RGPD4: variants seen among roughly 807,000 people sequenced by gnomAD.
The protein encoded by RGPD4 is ranBP2-like and GRIP domain-containing protein 4.
In RGPD4, 84 loss-of-function variants were observed where a neutral mutation model predicts 141.1. The observed-to-expected ratio is 0.60, with a 90% CI of 0.50 to 0.71. RGPD4 has a LOEUF of 0.71. RGPD4 is among the 30% of genes least tolerant of loss of function. The probability of loss-of-function intolerance (pLI) is 0.00; values close to 1 mark genes in which losing one functional copy is unlikely to be tolerated. For synonymous variants in RGPD4, 298 were observed against 566.8 expected (o/e 0.53, Z 6.74); for missense variants, 918 against 1,622.4 (o/e 0.57, Z 7.46).
intron 1 of RGPD4, among the ~76,000 whole-genome samples, chr2:107,831,811 T>A (rs1273397973): frequency 6.9e-6 from 1 of 145,362 alleles, no homozygotes; most frequent in Admixed American, 6.8e-5. Context: ...GACCTCATGA[T>A]CCGCCCGCCT....
Position 107,845,379 on chromosome 2 carries a change from C to T in RGPD4, c.782+1649C>T, listed in dbSNP as rs1167289030. 4.7e-5 allele frequency among the ~76,000 whole-genome samples: 7 copies of T among 150,376 alleles called. No individual in the cohort carries two copies. In the East Asian group the frequency reaches 1.4e-3, roughly 29 times the overall value. On this transcript the variant is annotated intron_variant, in intron 6 of 22. Coordinates refer to ENST00000408999, the MANE Select transcript of RGPD4 (RefSeq NM_182588.3). Reference sequence around the variant, plus strand: ...GCTTATCCTCCTGCCTCAGGTTGTTCCCCACCAGGAAGCCCCAGGAGGGCC... The same window carrying T: ...GCTTATCCTCCTGCCTCAGGTTGTTTCCCACCAGGAAGCCCCAGGAGGGCC...
At chr2:107,867,018 T>C (rs832365) in intron 18 of RGPD4, among the ~76,000 whole-genome samples, 2,852 of 147,722 alleles carry the variant, frequency 0.019, 109 homozygotes, top group African/African-American at 0.069. Flanking sequence ...GTAATTTTAT[T>C]TAATTACAGT....
At chr2:107,854,249 A>G (rs2104444434) in intron 7 of RGPD4, among the ~76,000 whole-genome samples, 1 of 145,930 alleles carries the variant, frequency 6.9e-6, no homozygotes, top group African/African-American at 2.6e-5. Context: ...TTTTTAGTAG[A>G]GACTGGGTTT....
intron 1 of RGPD4, 43 bp downstream of exon 1, chr2:107,827,128 G>A (rs1470310890): frequency 1.3e-6 from 2 of 1,555,696 alleles, no homozygotes; most frequent in Non-Finnish European, 1.7e-6. Flanking sequence ...ACCTGGCCGG[G>A]CGGCGGAGGC....
intron 8 of RGPD4, among the ~76,000 whole-genome samples, 176 bp downstream of exon 8, chr2:107,854,819 TA>T (rs1380099970): frequency 1.3e-5 from 2 of 151,892 alleles, no homozygotes; most frequent in Non-Finnish European, 2.9e-5. Flanking sequence ...CACATTCTTT[TA>T]AAAAAATGAA....
chr2:107,888,178 C>A (rs947137899), intron 22 of RGPD4, among the ~76,000 whole-genome samples: 7 of 148,378 alleles, frequency 4.7e-5, no homozygotes, highest in African/African-American at 1.8e-4. Flanking sequence ...AACAACCTTC[C>A]AAGGCAAGAG....
chr2:107,870,402 A>G (rs1682863703), intron 19 of RGPD4, among the ~76,000 whole-genome samples: 1 of 150,702 alleles, frequency 6.6e-6, no homozygotes, highest in African/African-American at 2.5e-5. Flanking sequence ...TCTTCTGCTT[A>G]TTTTGACCAC....
intron 22 of RGPD4, among the ~76,000 whole-genome samples, chr2:107,886,935 T>A (rs989704520): frequency 6.6e-6 from 1 of 151,634 alleles, no homozygotes; most frequent in Non-Finnish European, 1.5e-5. Flanking sequence ...ACATTCAGAA[T>A]ATTTTTTTAA....
At chr2:107,828,214 C>A in intron 1 of RGPD4, among the ~76,000 whole-genome samples, 1 of 27,120 alleles carries the variant, frequency 3.7e-5, no homozygotes, top group Admixed American at 2.3e-4. Flanking sequence ...CTCGACCTGG[C>A]CGGGCGGCGG....
chr2:107,882,814 T>C lies in RGPD4; in HGVS notation c.5207T>C (p.Ile1736Thr), dbSNP rs531217204. ...GAAAGAGAGAGACTTCTTCCTGTTATAAATACGATGTTGCAGCTCAGCCCT... is the reference window on the plus strand; with the variant it reads ...GAAAGAGAGAGACTTCTTCCTGTTACAAATACGATGTTGCAGCTCAGCCCT... ...GSERERLLPVINTMLQLSPEE... is the reference protein window; with the variant it reads ...GSERERLLPVTNTMLQLSPEE... The change falls in exon 22 of 23, where the codon ATA becomes ACA. Residue 1736 changes from isoleucine (I) to threonine (T), a missense_variant. Ile to Thr is a moderately conservative substitution (Grantham distance 89, BLOSUM62 -1). Transcript: ENST00000408999. 3.1e-6 allele frequency: 5 copies of C among 1,611,048 alleles called. No homozygotes were observed. In the East Asian group the frequency reaches 8.9e-5, roughly 29 times the overall value.
intron 21 of RGPD4, among the ~76,000 whole-genome samples, chr2:107,881,259 T>C (rs1397247564): frequency 6.6e-6 from 1 of 150,558 alleles, no homozygotes; most frequent in Non-Finnish European, 1.5e-5. Flanking sequence ...AATAAAAACA[T>C]TATCATAGCT....
chr2:107,875,520 T>C (rs1408675768), intron 20 of RGPD4, among the ~76,000 whole-genome samples: 2 of 142,498 alleles, frequency 1.4e-5, no homozygotes, highest in Non-Finnish European at 3.0e-5. Flanking sequence ...GCATGCTTCA[T>C]GACTGGCTTA....
intron 1 of RGPD4, among the ~76,000 whole-genome samples, chr2:107,830,131 C>T (rs1681426543): frequency 6.6e-6 from 1 of 151,952 alleles, no homozygotes; most frequent in South Asian, 2.1e-4. Flanking sequence ...TACTCACCTC[C>T]CTCGCCCCCA....
intron 6 of RGPD4, among the ~76,000 whole-genome samples, chr2:107,847,115 G>A (rs993896863): frequency 3.4e-5 from 5 of 146,406 alleles, no homozygotes; most frequent in African/African-American, 7.7e-5. Flanking sequence ...GTTGGTACGC[G>A]CCTATAGTCC....
At position 107,881,532 on chromosome 2, in the gene RGPD4, G is replaced by A. The variant is rs1379699557; in HGVS notation, c.5065-1140G>A. On this transcript the variant is annotated intron_variant, in intron 21 of 22. Coordinates refer to ENST00000408999, the MANE Select transcript of RGPD4 (RefSeq NM_182588.3). ...ATGGTTTCACCATGTTGGCCAGGATGGTCTGAATCTCCTGACCTCGTGATC... is the reference window on the plus strand; with the variant it reads ...ATGGTTTCACCATGTTGGCCAGGATAGTCTGAATCTCCTGACCTCGTGATC... Among the ~76,000 whole-genome samples the A allele has an allele frequency of 8.8e-4, 133 of 151,362 alleles. 1 individual carries two copies. Among genetic ancestry groups the A allele is most frequent in the African/African-American group, 3.1e-3 (126 of 40,912 alleles).
At chr2:107,878,641 C>G (rs1422857141) in intron 20 of RGPD4, among the ~76,000 whole-genome samples, 1 of 125,256 alleles carries the variant, frequency 8.0e-6, no homozygotes, top group Admixed American at 8.6e-5. Flanking sequence ...AGGGACAGAG[C>G]TAATTGGATG....
intron 17 of RGPD4, among the ~76,000 whole-genome samples, chr2:107,863,566 C>T (rs1324688703): frequency 6.6e-6 from 1 of 151,340 alleles, no homozygotes; most frequent in African/African-American, 2.5e-5. Context: ...AATCTTGGCT[C>T]ACTGCAACCT....
chr2:107,827,054 C>A lies in RGPD4; in HGVS notation c.41C>A (p.Ser14Tyr). 1 of 1,597,292 alleles carries A rather than the reference C, an allele frequency of 6.3e-7. No individual in the cohort carries two copies. Among genetic ancestry groups the A allele is most frequent in the South Asian group, 1.1e-5 (1 of 88,018 alleles). ...GCCTACGGGGAGCGGTACGTCGCCTCCGTGCAGGGCTCCGCCCCGTCGCCT... is the reference window on the plus strand; with the variant it reads ...GCCTACGGGGAGCGGTACGTCGCCTACGTGCAGGGCTCCGCCCCGTCGCCT... ...SKAYGERYVASVQGSAPSPRK... is the reference protein window; with the variant it reads ...SKAYGERYVAYVQGSAPSPRK... Residue 14 changes from serine (S) to tyrosine (Y), a missense_variant, in exon 1 of 23, where the codon TCC becomes TAC. Ser to Tyr is a moderately radical substitution (Grantham distance 144, BLOSUM62 -2). Coordinates refer to ENST00000408999, the MANE Select transcript of RGPD4 (RefSeq NM_182588.3).
At position 107,871,743 on chromosome 2, in the gene RGPD4, T is replaced by A. The variant is rs758545918; in HGVS notation, c.3739T>A (p.Leu1247Ile). 6.2e-7 allele frequency: 1 copy of A among 1,611,012 alleles called. No homozygotes were observed. The highest frequency in any genetic ancestry group is 1.1e-5 in the South Asian group (1 of 90,952). The change falls in exon 20 of 23, where the codon TTA becomes ATA. Residue 1247 changes from leucine (L) to isoleucine (I), a missense_variant. Leu to Ile is a conservative substitution (Grantham distance 5, BLOSUM62 2). Transcript: ENST00000408999. ...KPNPENTGPT[L>I]EWDNCDLRED... Reference sequence around the variant, plus strand: ...CAATCCTGAAAACACTGGGCCCACATTAGAATGGGATAACTGTGATTTAAG... The same window carrying A: ...CAATCCTGAAAACACTGGGCCCACAATAGAATGGGATAACTGTGATTTAAG...
Sources: gnomAD v4.1 joint callset for allele counts (sites outside exome capture counted in the v4.1 genomes callset) on GRCh38, gnomAD v4.1.1 for gene constraint, MANE v1.5 for transcripts, NCBI Gene and HGNC (gene_info 2026-07-23, HGNC 2026-07-21) for gene names.